XPO4: variants seen among roughly 807,000 people sequenced by gnomAD.
XPO4 encodes exportin-4.
Under a neutral mutation model 143.0 loss-of-function variants are expected in XPO4, and 39 were observed. The observed-to-expected ratio is 0.27, with a 90% CI of 0.21 to 0.36. The LOEUF (loss-of-function observed/expected upper bound fraction) is 0.36, where lower values mean the gene tolerates loss of function less well. XPO4 is among the 10% of genes least tolerant of loss of function. The pLI is 1.00. For missense variants in XPO4, 907 were observed against 1,348.0 expected (o/e 0.67, Z 5.12); for synonymous variants, 439 against 474.0 (o/e 0.93, Z 0.96).
At chr13:20,877,948 G>A (rs938987131) in intron 1 of XPO4, among the ~76,000 whole-genome samples, 3 of 152,194 alleles carry the variant, frequency 2.0e-5, no homozygotes, top group East Asian at 3.9e-4. Flanking sequence ...GCTCATGCCA[G>A]CACTTTGGGA....
intron 14 of XPO4, 47 bp from the exon 15 acceptor site, chr13:20,800,372 T>C: frequency 6.5e-7 from 1 of 1,534,354 alleles, no homozygotes. Flanking sequence ...AAAGATCAAC[T>C]CAAGAAAAAA....
At chr13:20,787,763 T>C (rs1292369117) in intron 20 of XPO4, among the ~76,000 whole-genome samples, 165 bp from the exon 21 acceptor site, 1 of 152,222 alleles carries the variant, frequency 6.6e-6, no homozygotes, top group Non-Finnish European at 1.5e-5. Context: ...GGAAAGAAGA[T>C]TTCCAGTGTT....
At chr13:20,822,079 T>TA (rs112448045) in intron 8 of XPO4, 53 bp downstream of exon 8, 8 of 1,545,270 alleles carry the variant, frequency 5.2e-6, no homozygotes, top group African/African-American at 2.8e-5. Context: ...CTTCTACTGT[T>TA]AAACACAAAA....
rs535738671 is a variant in XPO4 at position 20,899,155 on chromosome 13, T to C, written c.69+3515A>G. ...TCAATGCACGGTTGATGTCCATGGGTGGAGGCGGTTCCTGGAACTAACCTC... is the reference window on the plus strand; with the variant it reads ...TCAATGCACGGTTGATGTCCATGGGCGGAGGCGGTTCCTGGAACTAACCTC... On this transcript the variant is annotated intron_variant, in intron 1 of 22. Transcript: ENST00000255305. Among the ~76,000 whole-genome samples, 5 of 152,242 alleles carry C rather than the reference T, an allele frequency of 3.3e-5. No homozygotes were observed. The South Asian group carries it at 8.3e-4, about 25-fold the overall frequency.
intron 1 of XPO4, among the ~76,000 whole-genome samples, chr13:20,869,869 C>T (rs2060277905): frequency 6.6e-6 from 1 of 151,960 alleles, no homozygotes; most frequent in Admixed American, 6.5e-5. Context: ...CTTTGGGAGG[C>T]CAAGGCGGGA....
intron 6 of XPO4, among the ~76,000 whole-genome samples, chr13:20,834,779 A>G (rs2059896728): frequency 6.6e-6 from 1 of 152,000 alleles, no homozygotes; most frequent in African/African-American, 2.4e-5. Context: ...TGGGCAACAT[A>G]GTGGGATCCT....
intron 6 of XPO4, among the ~76,000 whole-genome samples, chr13:20,840,660 G>T (rs1472917789): frequency 6.6e-6 from 1 of 151,744 alleles, no homozygotes; most frequent in Non-Finnish European, 1.5e-5. Flanking sequence ...TCCAAAATTA[G>T]AAATTAGTCA....
At chr13:20,840,342 G>C (rs1412034433) in intron 6 of XPO4, among the ~76,000 whole-genome samples, 2 of 151,826 alleles carry the variant, frequency 1.3e-5, no homozygotes, top group Non-Finnish European at 2.9e-5. Flanking sequence ...CGAACAGCTG[G>C]GACTACAGGC....
chr13:20,859,903 T>C, intron 3 of XPO4: 1 of 968,056 alleles, frequency 1.0e-6, no homozygotes, highest in Non-Finnish European at 1.2e-6. Flanking sequence ...TCTACCAAGG[T>C]CTCCAGAGTT....
intron 4 of XPO4, among the ~76,000 whole-genome samples, chr13:20,847,512 T>G (rs750094694): frequency 6.6e-6 from 1 of 152,196 alleles, no homozygotes; most frequent in Non-Finnish European, 1.5e-5. Context: ...CAGCTTCAGC[T>G]TTTCTTACCC....
chr13:20,810,235 G>A (rs2059562324), intron 9 of XPO4, among the ~76,000 whole-genome samples: 1 of 151,978 alleles, frequency 6.6e-6, no homozygotes, highest in African/African-American at 2.4e-5. Context: ...ATTTTCTGTA[G>A]TCAAGAAGAG....
chr13:20,881,910 C>A (rs1440985439), intron 1 of XPO4, among the ~76,000 whole-genome samples: 1 of 151,864 alleles, frequency 6.6e-6, no homozygotes, highest in African/African-American at 2.4e-5. Flanking sequence ...GAGTTTGAGA[C>A]CAGTCTGGCC....
rs1256581183 is a variant in XPO4, at chr13:20,779,628, C to G, written c.*4094G>C. The stretch of plus-strand genomic sequence containing the variant: ...CCTCCCAGTTCCTAGGAGGGAATCG[C>G]CACGGCCGACTTCAGCATTCTCGTC... On this transcript the variant is annotated 3_prime_UTR_variant, in exon 23 of 23. Coordinates refer to ENST00000255305, the MANE Select transcript of XPO4 (RefSeq NM_022459.5). 1 of 152,584 alleles carries G rather than the reference C, an allele frequency of 6.6e-6. No individual in the cohort carries two copies. 9.5% of individuals were successfully genotyped at this position (152,584 alleles called of 1,614,324 possible).
At position 20,821,852 on chromosome 13, in the gene XPO4, A is replaced by G. The variant is rs2059723972; in HGVS notation, c.1025T>C (p.Val342Ala). Residue 342 changes from valine to alanine, a missense_variant, in exon 9 of 23, where the codon GTG (valine) becomes GCG (alanine). Val to Ala is a moderately conservative substitution (Grantham distance 64). Transcript: ENST00000255305. ...GTTGCTGATAATGCTGGAGATCCCC[A>G]CAGCTTCAGAATCTTCTATTTCAAT... ...NGIEIEDSEA[V>A]GISSIISNLI... The G allele has an allele frequency of 6.2e-7, 1 of 1,613,806 alleles. No homozygotes were observed. Among genetic ancestry groups the G allele is most frequent in the Admixed American group, 1.7e-5 (1 of 60,002 alleles).
intron 4 of XPO4, chr13:20,850,778 C>T: frequency 1.0e-6 from 1 of 984,912 alleles, no homozygotes; most frequent in South Asian, 4.7e-5. Flanking sequence ...AACAACAAAA[C>T]AAACAAATGA....
chr13:20,843,915 G>A (rs766134487), intron 4 of XPO4, 29 bp from the exon 5 acceptor site: 17 of 1,512,738 alleles, frequency 1.1e-5, no homozygotes, highest in Middle Eastern at 1.7e-4. Flanking sequence ...AAATAATTGT[G>A]AGGCATTACT....
rs1334705836 is a variant in XPO4 at position 20,841,398 on chromosome 13, T to C, written c.727+1497A>G. 1.1e-4 allele frequency among the ~76,000 whole-genome samples: 17 copies of C among 151,894 alleles called. 1 individual carries two copies. Among genetic ancestry groups the C allele is most frequent in the Admixed American group, 1.0e-3 (16 of 15,256 alleles). Reference sequence around the variant, plus strand: ...AAACAAAAAACCTAGAACAAAAATATTGAAACACTGAAAGGGGAAATTTTT... The same window carrying C: ...AAACAAAAAACCTAGAACAAAAATACTGAAACACTGAAAGGGGAAATTTTT... On this transcript the variant is annotated intron_variant, in intron 6 of 22. Coordinates refer to ENST00000255305, the MANE Select transcript of XPO4 (RefSeq NM_022459.5).
At chr13:20,792,288 A>G (rs1182459025) in intron 18 of XPO4, among the ~76,000 whole-genome samples, 1 of 152,188 alleles carries the variant, frequency 6.6e-6, no homozygotes, top group Admixed American at 6.5e-5. Context: ...TCTACTAAAA[A>G]TACAAAAAAT....
intron 1 of XPO4, among the ~76,000 whole-genome samples, chr13:20,885,317 T>C (rs369012268): frequency 2.6e-5 from 4 of 152,166 alleles, no homozygotes; most frequent in African/African-American, 9.7e-5. Context: ...ATATTATCTT[T>C]GGACTAAATT....
Sources: gnomAD v4.1 joint callset for allele counts (sites outside exome capture counted in the v4.1 genomes callset) on GRCh38, gnomAD v4.1.1 for gene constraint, MANE v1.5 for transcripts, NCBI Gene and HGNC (gene_info 2026-07-23, HGNC 2026-07-21) for gene names.